The following CRISP2 variants were observed in gnomAD, a reference collection of about 807,000 sequenced individuals.
CRISP2 encodes cysteine-rich secretory protein 2.
In CRISP2, 29 loss-of-function variants were observed where a neutral mutation model predicts 31.7. The observed-to-expected ratio is 0.92, with a 90% CI of 0.68 to 1.25. The LOEUF is 1.25. Among genes scored for constraint, CRISP2 ranks in the 50% most tolerant of loss-of-function variants. The pLI, the probability that CRISP2 is intolerant of heterozygous loss-of-function variation, is 0.00. For synonymous variants in CRISP2, 111 were observed against 101.4 expected (o/e 1.09, Z -0.57); for missense variants, 318 against 286.5 (o/e 1.11, Z -0.79).
intron 3 of CRISP2, among the ~76,000 whole-genome samples, chr6:49,709,930 G>A (rs914066404): frequency 2.6e-5 from 4 of 152,150 alleles, no homozygotes; most frequent in African/African-American, 7.2e-5. Context: ...TGTTACCCAT[G>A]TTGTCCTTTC....
the CRISP2 span, among the ~76,000 whole-genome samples, chr6:49,681,984 T>C: frequency 1.3e-5 from 2 of 152,218 alleles, no homozygotes; most frequent in African/African-American, 4.8e-5. Flanking sequence ...TACTATGTCC[T>C]CACAGGTTAG....
intron 4 of CRISP2, among the ~76,000 whole-genome samples, chr6:49,704,209 T>A (rs1250230499): frequency 6.6e-6 from 1 of 152,068 alleles, no homozygotes; most frequent in Non-Finnish European, 1.5e-5. Context: ...GTTGTGATTG[T>A]TTTTTTATTT....
chr6:49,698,067 C>A, intron 7 of CRISP2, 110 bp from the exon 8 acceptor site: 2 of 833,674 alleles, frequency 2.4e-6, no homozygotes, highest in South Asian at 2.2e-5. Flanking sequence ...TAGACATATA[C>A]CATAAAAATA....
At chr6:49,697,360 T>C (rs992807283) in intron 8 of CRISP2, among the ~76,000 whole-genome samples, 3 of 151,866 alleles carry the variant, frequency 2.0e-5, no homozygotes, top group Admixed American at 6.6e-5. Flanking sequence ...TGAAAAGCCA[T>C]TGAAATCCAA....
In CRISP2 at chr6:49,695,247, T is replaced by G. The variant is rs546053369; in HGVS notation, c.604+589A>C. 1.3e-3 allele frequency among the ~76,000 whole-genome samples: 193 copies of G among 152,302 alleles called. 1 individual carries two copies. Among genetic ancestry groups the G allele is most frequent in the African/African-American group, 4.2e-3 (175 of 41,580 alleles). Reference sequence around the variant, plus strand: ...TCCTTTTGCAAAAATATGTGCACAGTTTCTATGAGCCAATATTGTATATAG... The same window carrying G: ...TCCTTTTGCAAAAATATGTGCACAGGTTCTATGAGCCAATATTGTATATAG... On this transcript the variant is annotated intron_variant, in intron 9 of 9. Transcript: ENST00000339139.
downstream of CRISP2, among the ~76,000 whole-genome samples, chr6:49,687,937 A>G (rs915363963): frequency 6.6e-6 from 1 of 152,190 alleles, no homozygotes; most frequent in Non-Finnish European, 1.5e-5. Flanking sequence ...TTAAAGTCAC[A>G]TGGCGTAACA....
At chr6:49,694,740 C>CT (rs61258519) in intron 9 of CRISP2, among the ~76,000 whole-genome samples, 87,470 of 141,868 alleles carry the variant, frequency 0.62, 27,557 homozygotes, top group East Asian at 0.78. Context: ...CTATTTTTTT[C>CT]TTTTTTTTTT....
the CRISP2 span, among the ~76,000 whole-genome samples, chr6:49,679,041 A>G: frequency 1.3e-5 from 2 of 152,198 alleles, no homozygotes; most frequent in Non-Finnish European, 2.9e-5. Flanking sequence ...AGAATAAAAT[A>G]TAATGTTCTG....
intron 4 of CRISP2, among the ~76,000 whole-genome samples, chr6:49,701,650 ATACATTATATATGTATACATTATATATG>A (rs1765804225): frequency 7.8e-6 from 1 of 127,880 alleles, no homozygotes; most frequent in Non-Finnish European, 1.6e-5. Flanking sequence ...TTATATATGT[ATACATTATATATGTATACATTATATATG>A]TATACATTAT....
intron 4 of CRISP2, among the ~76,000 whole-genome samples, 158 bp downstream of exon 4, chr6:49,708,973 G>A (rs1767535773): frequency 6.6e-6 from 1 of 152,044 alleles, no homozygotes; most frequent in Non-Finnish European, 1.5e-5. Context: ...CATAACCTTG[G>A]CCTTTCATCT....
chr6:49,686,255 T>C, the CRISP2 span, among the ~76,000 whole-genome samples: 1 of 152,218 alleles, frequency 6.6e-6, no homozygotes, highest in African/African-American at 2.4e-5. Context: ...TGCATTGTAG[T>C]TTATTTAACC....
upstream of CRISP2, chr6:49,713,579 G>T (rs1027711702): frequency 6.6e-6 from 1 of 152,236 alleles, no homozygotes; most frequent in Non-Finnish European, 1.5e-5. Flanking sequence ...TCACTTGCCA[G>T]GCGCCACGTG....
At chr6:49,691,236 A>G (rs779093379), downstream of CRISP2, among the ~76,000 whole-genome samples, 13 of 152,156 alleles carry the variant, frequency 8.5e-5, no homozygotes, top group Admixed American at 2.0e-4. Flanking sequence ...ACATTGTCAC[A>G]CTACCTCAGT....
At chr6:49,681,657 G>A in the CRISP2 span, among the ~76,000 whole-genome samples, 1 of 152,066 alleles carries the variant, frequency 6.6e-6, no homozygotes, top group Non-Finnish European at 1.5e-5. Context: ...ATAATATCAT[G>A]GTTTAAAAAT....
chr6:49,700,947 T>G (rs1174380303), intron 4 of CRISP2, among the ~76,000 whole-genome samples, 163 bp from the exon 5 acceptor site: 1 of 152,162 alleles, frequency 6.6e-6, no homozygotes, highest in East Asian at 1.9e-4. Flanking sequence ...AAAGCCAATA[T>G]TAGTTGTTAA....
At chr6:49,682,476 CCCTCCCT>C in the CRISP2 span, among the ~76,000 whole-genome samples, 11 of 44,404 alleles carry the variant, frequency 2.5e-4, no homozygotes, top group East Asian at 6.8e-3. Flanking sequence ...ATCCCTCCCT[CCCTCCCT>C]CCTCCTCCTC....
intron 2 of CRISP2, among the ~76,000 whole-genome samples, chr6:49,712,059 G>A (rs746186599): frequency 1.3e-4 from 20 of 152,176 alleles, no homozygotes; most frequent in Non-Finnish European, 2.8e-4. Context: ...CCTTCCAGGT[G>A]TTATAGGAAA....
downstream of CRISP2, among the ~76,000 whole-genome samples, chr6:49,687,446 T>G (rs893105468): frequency 3.9e-5 from 6 of 152,232 alleles, no homozygotes; most frequent in Admixed American, 3.3e-4. Context: ...TAACTCTTCC[T>G]GTCCTTTGAC....
the CRISP2 span, among the ~76,000 whole-genome samples, chr6:49,679,776 G>T: frequency 6.6e-6 from 1 of 151,970 alleles, no homozygotes; most frequent in Non-Finnish European, 1.5e-5. Flanking sequence ...CACGATCTTG[G>T]CTCACTGCAA....
Sources: gnomAD v4.1 joint callset for allele counts (sites outside exome capture counted in the v4.1 genomes callset) on GRCh38, gnomAD v4.1.1 for gene constraint, MANE v1.5 for transcripts, NCBI Gene and HGNC (gene_info 2026-07-23, HGNC 2026-07-21) for gene names.